Variants in COL18A1 observed in about 807,000 individuals in gnomAD.
COL18A1 encodes collagen alpha-1(XVIII) chain.
COL18A1 carries 133 observed loss-of-function variants against 168.0 expected under a neutral mutation model. The observed-to-expected ratio is 0.79, with a 90% CI of 0.69 to 0.91. COL18A1 has a LOEUF of 0.91. COL18A1 is among the 40% of genes least tolerant of loss of function. The pLI, the probability that COL18A1 is intolerant of heterozygous loss-of-function variation, is 0.00. For synonymous variants in COL18A1, 949 were observed against 809.0 expected, an observed-to-expected ratio of 1.17 and a Z score of -2.94; for missense variants, 2,126 against 1,925.4, an observed-to-expected ratio of 1.10 and a Z score of -1.95.
chr21:45,441,206 G>C (rs529556503), intron 2 of COL18A1, among the ~76,000 whole-genome samples: 27 of 152,324 alleles, frequency 1.8e-4, no homozygotes, highest in Non-Finnish European at 3.1e-4. Context: ...CCTACACACA[G>C]AGGCTGCTCC....
intron 29 of COL18A1, chr21:45,495,652 A>C: frequency 1.8e-6 from 1 of 557,098 alleles, no homozygotes; most frequent in Non-Finnish European, 3.3e-6. Flanking sequence ...GGCCGTACTC[A>C]TACATGTGTG....
At chr21:45,460,751 G>A (rs1040334741) in intron 2 of COL18A1, among the ~76,000 whole-genome samples, 12 of 152,028 alleles carry the variant, frequency 7.9e-5, no homozygotes, top group African/African-American at 1.2e-4. Context: ...ATCTCTCACC[G>A]CTTGGCAACC....
intron 2 of COL18A1, among the ~76,000 whole-genome samples, chr21:45,440,775 T>C (rs1482377256): frequency 6.6e-6 from 1 of 152,180 alleles, no homozygotes; most frequent in Admixed American, 6.5e-5. Context: ...GGATCGTGTC[T>C]AAGCTTTTTG....
chr21:45,496,714 G>T, intron 30 of COL18A1, 146 bp downstream of exon 30: 4 of 705,972 alleles, frequency 5.7e-6, no homozygotes, highest in South Asian at 4.4e-5. Flanking sequence ...TGGATTAGCA[G>T]CTGAGTTCCC....
intron 2 of COL18A1, among the ~76,000 whole-genome samples, chr21:45,405,860 G>C (rs886276432): frequency 1.1e-4 from 17 of 151,846 alleles, no homozygotes; most frequent in Non-Finnish European, 1.9e-4. Flanking sequence ...GACTGACCGC[G>C]GGCGGAAGGC....
chr21:45,426,685 C>T (rs986280019), intron 2 of COL18A1, among the ~76,000 whole-genome samples: 13 of 152,228 alleles, frequency 8.5e-5, no homozygotes, highest in African/African-American at 1.7e-4. Context: ...CGTGAGACCA[C>T]GGGAGTGTCC....
At chr21:45,476,920 T>C (rs1568903151) in intron 6 of COL18A1, among the ~76,000 whole-genome samples, 1 of 129,458 alleles carries the variant, frequency 7.7e-6, no homozygotes, top group Non-Finnish European at 1.6e-5. Context: ...TATTATGTGT[T>C]TTGTGTGTGT....
chr21:45,504,149 C>G, intron 33 of COL18A1, 95 bp downstream of exon 33: 1 of 1,427,596 alleles, frequency 7.0e-7, no homozygotes, highest in Non-Finnish European at 9.9e-7. Context: ...GGCCCAAGCC[C>G]CCTTCCTGTT....
intron 32 of COL18A1, among the ~76,000 whole-genome samples, chr21:45,501,274 G>A (rs1016564750): frequency 1.3e-5 from 2 of 152,066 alleles, no homozygotes; most frequent in African/African-American, 2.4e-5. Context: ...AATTGGCAAA[G>A]TGAAAAAGAA....
chr21:45,474,543 TGC>T, intron 4 of COL18A1, among the ~76,000 whole-genome samples: 1 of 151,756 alleles, frequency 6.6e-6, no homozygotes, highest in Non-Finnish European at 1.5e-5. Context: ...GTCTGCATGG[TGC>T]GTGTGTCTCT....
chr21:45,481,927 T>C, intron 13 of COL18A1, 36 bp from the exon 14 acceptor site: 1 of 1,487,514 alleles, frequency 6.7e-7, no homozygotes, highest in Non-Finnish European at 9.4e-7. Context: ...AGTGGCCGAA[T>C]GCCATCAAGA....
At chr21:45,488,330 C>A (rs985961187) in intron 17 of COL18A1, 88 bp from the exon 18 acceptor site, 2 of 1,559,730 alleles carry the variant, frequency 1.3e-6, no homozygotes, top group East Asian at 2.2e-5. Context: ...GAAGTCTTGA[C>A]TGTTACTAGC....
intron 2 of COL18A1, among the ~76,000 whole-genome samples, chr21:45,444,002 T>C (rs1602397979): frequency 6.6e-6 from 1 of 152,164 alleles, no homozygotes; most frequent in Non-Finnish European, 1.5e-5. Context: ...TGGGGGGCCA[T>C]GTTGCCACGC....
chr21:45,448,586 G>A (rs1047973856), intron 2 of COL18A1, among the ~76,000 whole-genome samples: 1 of 152,230 alleles, frequency 6.6e-6, no homozygotes, highest in African/African-American at 2.4e-5. Context: ...GAGGTGAGCC[G>A]CAGCATCTCC....
intron 15 of COL18A1, 97 bp downstream of exon 15, chr21:45,482,918 T>C (rs1447582361): frequency 6.4e-7 from 1 of 1,558,418 alleles, no homozygotes; most frequent in African/African-American, 1.4e-5. Flanking sequence ...GTCGAGAGAG[T>C]GAGCTCTCTT....
intron 2 of COL18A1, among the ~76,000 whole-genome samples, chr21:45,439,605 C>G (rs1602388291): frequency 6.6e-6 from 1 of 152,350 alleles, no homozygotes; most frequent in African/African-American, 2.4e-5. Flanking sequence ...AAGCGCGTCG[C>G]GCGGGCTCCA....
intron 38 of COL18A1, among the ~76,000 whole-genome samples, chr21:45,508,345 GGTGGACAA>G (rs2037361227): frequency 6.6e-6 from 1 of 151,482 alleles, no homozygotes; most frequent in Non-Finnish European, 1.5e-5. Flanking sequence ...GCAGATGGAT[GGTGGACAA>G]GTGGGTGAGT....
rs1350132041 is a variant in COL18A1 at position 45,443,794 on chromosome 21, G to A, written c.107-24448G>A. 6.6e-6 allele frequency among the ~76,000 whole-genome samples: 1 copy of A among 152,208 alleles called. No individual in the cohort carries two copies. Among genetic ancestry groups the A allele is most frequent in the Non-Finnish European group, 1.5e-5 (1 of 68,032 alleles). On this transcript the variant is annotated intron_variant, in intron 2 of 41. Transcript: ENST00000651438. This position sits in a 1 kb window ranked among gnomAD's most constrained non-coding sequence, Gnocchi z 5.2. ...GCCCCTTTACGCGGCTCTGCTGGTG[G>A]AGAGGAATAGCTGAGCTGCAGCACT...
chr21:45,446,583 A>T (rs927401385), intron 2 of COL18A1, among the ~76,000 whole-genome samples: 1 of 152,258 alleles, frequency 6.6e-6, no homozygotes, highest in South Asian at 2.1e-4. Flanking sequence ...CATTTAAAGA[A>T]TTAAAACCAA....
Sources: gnomAD v4.1 joint callset for allele counts (sites outside exome capture counted in the v4.1 genomes callset) on GRCh38, gnomAD v4.1.1 for gene constraint, Gnocchi (gnomAD v3.1) non-coding constraint, MANE v1.5 for transcripts, NCBI Gene and HGNC (gene_info 2026-07-23, HGNC 2026-07-21) for gene names.